Variants in NYAP2 observed in about 807,000 individuals in gnomAD.
NYAP2 encodes the protein neuronal tyrosine-phosphorylated phosphoinositide-3-kinase adaptor 2, also known as neuronal tyrosine-phosphorylated phosphoinositide-3-kinase adapter 2.
A neutral mutation model predicts 50.4 loss-of-function variants in NYAP2; 23 were observed. The observed-to-expected ratio is 0.46, with a 90% CI of 0.33 to 0.65. NYAP2 has a LOEUF of 0.65. Among genes scored for constraint, NYAP2 ranks in the 30% least tolerant of loss-of-function variants. NYAP2 has a pLI of 0.02. For missense variants in NYAP2, 885 were observed against 861.0 expected, an observed-to-expected ratio of 1.03 and a Z score of -0.35; for synonymous variants, 394 against 365.2, an observed-to-expected ratio of 1.08 and a Z score of -0.90.
the NYAP2 span, among the ~76,000 whole-genome samples, chr2:225,684,640 C>T: frequency 6.6e-6 from 1 of 151,970 alleles, no homozygotes; most frequent in Admixed American, 6.6e-5. Flanking sequence ...CAACCTCCGT[C>T]TCCTGGGTTC....
intron 4 of NYAP2, among the ~76,000 whole-genome samples, chr2:225,521,181 A>G (rs1334536662): frequency 6.6e-6 from 1 of 151,436 alleles, no homozygotes; most frequent in Non-Finnish European, 1.5e-5. Context: ...GGGCTGAGAC[A>G]ATGAGGTTTT....
intron 3 of NYAP2, among the ~76,000 whole-genome samples, chr2:225,459,986 G>C (rs1476741961): frequency 1.3e-5 from 2 of 152,078 alleles, no homozygotes; most frequent in African/African-American, 2.4e-5. Flanking sequence ...TTGATGTTTT[G>C]ATGCTTTGGA....
intron 3 of NYAP2, among the ~76,000 whole-genome samples, chr2:225,421,951 TG>T (rs1436197804): frequency 1.1e-4 from 16 of 152,228 alleles, no homozygotes; most frequent in African/African-American, 3.9e-4. Context: ...ATTCTTGATT[TG>T]TTTTTTTCTT....
At chr2:225,592,191 G>A (rs1357218499) in intron 5 of NYAP2, among the ~76,000 whole-genome samples, 2 of 152,118 alleles carry the variant, frequency 1.3e-5, no homozygotes, top group Admixed American at 6.6e-5. Context: ...AGGTTTCTTT[G>A]GCCTGTCAGA....
chr2:225,519,355 C>A (rs1574655516), intron 4 of NYAP2, among the ~76,000 whole-genome samples: 5 of 151,682 alleles, frequency 3.3e-5, no homozygotes, highest in Admixed American at 3.3e-4. Context: ...ATGTGCCATG[C>A]TGGTGTGCTG....
chr2:225,548,097 A>G (rs906116025), intron 4 of NYAP2, among the ~76,000 whole-genome samples: 14 of 152,000 alleles, frequency 9.2e-5, no homozygotes, highest in African/African-American at 3.1e-4. Context: ...TTTTACCATT[A>G]TATACCAACT....
chr2:225,558,511 T>G (rs886091436), intron 4 of NYAP2, among the ~76,000 whole-genome samples: 2 of 152,150 alleles, frequency 1.3e-5, no homozygotes, highest in African/African-American at 4.8e-5. Context: ...TGTCGCATCT[T>G]GCTCACTCTG....
chr2:225,569,528 C>G (rs1692029650), intron 4 of NYAP2, among the ~76,000 whole-genome samples: 1 of 152,158 alleles, frequency 6.6e-6, no homozygotes, highest in Non-Finnish European at 1.5e-5. Context: ...CATGCTTCAA[C>G]AGGAACACAA....
At chr2:225,465,776 A>C (rs988463263) in intron 3 of NYAP2, among the ~76,000 whole-genome samples, 3 of 152,190 alleles carry the variant, frequency 2.0e-5, no homozygotes, top group African/African-American at 7.2e-5. Flanking sequence ...GTTGAAAGAC[A>C]TGTCAGGTGT....
chr2:225,408,140 G>T (rs1694972299), intron 2 of NYAP2, among the ~76,000 whole-genome samples: 1 of 151,762 alleles, frequency 6.6e-6, no homozygotes, highest in Non-Finnish European at 1.5e-5. Context: ...CTTTTCTGAG[G>T]CTCAAGTTTT....
chr2:225,544,418 G>C (rs1281064316), intron 4 of NYAP2, among the ~76,000 whole-genome samples: 2 of 151,568 alleles, frequency 1.3e-5, no homozygotes, highest in Non-Finnish European at 2.9e-5. Context: ...TTTTTTGTGT[G>C]TGTGTATTTG....
intron 6 of NYAP2, among the ~76,000 whole-genome samples, chr2:225,632,410 AC>A (rs1292297292): frequency 6.6e-6 from 1 of 152,042 alleles, no homozygotes; most frequent in African/African-American, 2.4e-5. Flanking sequence ...TCCCCCCTCC[AC>A]ACTGATATAC....
chr2:225,426,453 C>A (rs1366730726), intron 3 of NYAP2, among the ~76,000 whole-genome samples: 2 of 152,210 alleles, frequency 1.3e-5, no homozygotes, highest in African/African-American at 2.4e-5. Flanking sequence ...AGGGCAGGAA[C>A]TCGCTTTGCT....
intron 4 of NYAP2, among the ~76,000 whole-genome samples, chr2:225,515,973 C>A (rs902058818): frequency 1.8e-4 from 28 of 152,192 alleles, no homozygotes; most frequent in African/African-American, 6.7e-4. Context: ...GTTATCAATG[C>A]CTTGTTGGCA....
intron 3 of NYAP2, among the ~76,000 whole-genome samples, chr2:225,500,533 T>A (rs1369098116): frequency 6.6e-6 from 1 of 152,254 alleles, no homozygotes; most frequent in African/African-American, 2.4e-5. Flanking sequence ...AGCATTTCAC[T>A]GTGCTCAAAT....
chr2:225,618,208 T>C (rs1448697630), intron 5 of NYAP2, among the ~76,000 whole-genome samples: 1 of 152,242 alleles, frequency 6.6e-6, no homozygotes, highest in Non-Finnish European at 1.5e-5. Flanking sequence ...GGCTTATGAC[T>C]GCTGGAATTA....
At chr2:225,567,651 G>T (rs62188701) in intron 4 of NYAP2, among the ~76,000 whole-genome samples, 4,901 of 152,080 alleles carry the variant, frequency 0.032, 112 homozygotes, top group Non-Finnish European at 0.044. Flanking sequence ...GGAGGAGGAA[G>T]GGGAGGAGCT....
chr2:225,656,347 G>T (rs1693825428), downstream of NYAP2, among the ~76,000 whole-genome samples: 1 of 152,116 alleles, frequency 6.6e-6, no homozygotes, highest in Non-Finnish European at 1.5e-5. Context: ...CTTAATAGCT[G>T]TTATCCAGGC....
the NYAP2 span, among the ~76,000 whole-genome samples, chr2:225,680,342 T>A: frequency 2.6e-5 from 4 of 152,152 alleles, no homozygotes; most frequent in Admixed American, 2.0e-4. Flanking sequence ...TAAGAGTATG[T>A]AGTTGATTCT....
Sources: allele counts gnomAD v4.1 joint callset (sites outside exome capture counted in the v4.1 genomes callset), GRCh38; gene constraint gnomAD v4.1.1; transcripts MANE v1.5; gene names NCBI Gene and HGNC (gene_info 2026-07-23, HGNC 2026-07-21).